ATRNL1: variants seen among roughly 807,000 people sequenced by gnomAD.
ATRNL1 encodes the protein attractin like 1, also known as attractin-like protein 1.
Under a neutral mutation model 182.7 loss-of-function variants are expected in ATRNL1, and 95 were observed. The observed-to-expected ratio is 0.52, with a 90% CI of 0.44 to 0.62. ATRNL1 has a LOEUF of 0.62. Ranked by LOEUF, ATRNL1 falls within the 20% of genes least tolerant of loss-of-function variation. ATRNL1 has a pLI of 0.00. For synonymous variants in ATRNL1, 576 were observed against 568.3 expected (o/e 1.01, Z -0.19); for missense variants, 1,471 against 1,679.5 (o/e 0.88, Z 2.17).
chr10:115,584,106 C>T (rs1436932584), intron 26 of ATRNL1, among the ~76,000 whole-genome samples: 18 of 151,184 alleles, frequency 1.2e-4, no homozygotes, highest in African/African-American at 3.2e-4. Flanking sequence ...GAAGCCCACT[C>T]GATCATGGTG....
chr10:115,477,385 A>G (rs1848583243), intron 24 of ATRNL1, among the ~76,000 whole-genome samples: 1 of 151,608 alleles, frequency 6.6e-6, no homozygotes, highest in African/African-American at 2.4e-5. Context: ...AGTCATGTGC[A>G]TTAGTTGACA....
At position 115,394,741 on chromosome 10, in the gene ATRNL1, C is replaced by T. The variant is rs782147597; in HGVS notation, c.3258C>T (p.Asp1086=). ...GCACAACTAAAGGAATAAAAGGTGA[C>T]CAATGCCAATTGTAAGTAAGAATGA... The part of the protein sequence containing the change: ...CFCTTKGIKG[D]QCQLCDSENR... The change falls in exon 20 of 29, where the codon GAC becomes GAT. Residue 1086 remains aspartate, a synonymous_variant. Transcript: ENST00000355044. 3.8e-6 allele frequency: 6 copies of T among 1,597,424 alleles called. No individual in the cohort carries two copies. Among genetic ancestry groups the T allele is most frequent in the Non-Finnish European group, 5.1e-6 (6 of 1,171,938 alleles).
chr10:115,259,241 A>C (rs1323776340), intron 10 of ATRNL1, among the ~76,000 whole-genome samples: 1 of 152,132 alleles, frequency 6.6e-6, no homozygotes, highest in East Asian at 1.9e-4. Context: ...GAGTCTAGAG[A>C]CGGTAGGCCT....
At chr10:115,481,947 G>A (rs782277798) in intron 24 of ATRNL1, among the ~76,000 whole-genome samples, 1 of 150,840 alleles carries the variant, frequency 6.6e-6, no homozygotes, top group Non-Finnish European at 1.5e-5. Flanking sequence ...TTTGGCAAAG[G>A]TATTAAAGTA....
chr10:115,871,345 T>G (rs1342743167), intron 28 of ATRNL1, among the ~76,000 whole-genome samples: 1 of 139,754 alleles, frequency 7.2e-6, no homozygotes, highest in African/African-American at 2.7e-5. Flanking sequence ...CTTTTAGGAC[T>G]TTTTTTTTTT....
At chr10:115,856,009 C>T (rs958878045) in intron 28 of ATRNL1, among the ~76,000 whole-genome samples, 5 of 152,098 alleles carry the variant, frequency 3.3e-5, no homozygotes, top group Admixed American at 1.3e-4. Context: ...CCCTTTATGA[C>T]CAGAAAAATA....
At chr10:115,385,256 T>G (rs1227096823) in intron 19 of ATRNL1, among the ~76,000 whole-genome samples, 1 of 152,130 alleles carries the variant, frequency 6.6e-6, no homozygotes, top group Non-Finnish European at 1.5e-5. Context: ...AGTATGTGTT[T>G]GATGGTATGT....
intron 19 of ATRNL1, among the ~76,000 whole-genome samples, chr10:115,350,011 G>A (rs980121517): frequency 1.4e-4 from 22 of 151,928 alleles, no homozygotes; most frequent in Admixed American, 9.8e-4. Flanking sequence ...GGTCTTACTC[G>A]AAATCTTTGC....
chr10:115,433,896 A>G (rs1221333455), intron 21 of ATRNL1, among the ~76,000 whole-genome samples: 1 of 152,100 alleles, frequency 6.6e-6, no homozygotes, highest in Non-Finnish European at 1.5e-5. Flanking sequence ...ATGTCCATAA[A>G]CCTTCCACCA....
At chr10:115,890,154 G>A (rs568455528) in intron 28 of ATRNL1, among the ~76,000 whole-genome samples, 4 of 152,220 alleles carry the variant, frequency 2.6e-5, no homozygotes, top group Non-Finnish European at 5.9e-5. Context: ...GAAAACCAGA[G>A]AAGCCCTCGT....
chr10:115,278,306 G>T (rs1393901374), intron 13 of ATRNL1, among the ~76,000 whole-genome samples: 1 of 152,134 alleles, frequency 6.6e-6, no homozygotes, highest in South Asian at 2.1e-4. Context: ...AGTTTAACTT[G>T]TTAAAAGAAA....
At chr10:115,712,990 A>T (rs1793428818) in intron 26 of ATRNL1, among the ~76,000 whole-genome samples, 2 of 152,052 alleles carry the variant, frequency 1.3e-5, no homozygotes, top group South Asian at 4.1e-4. Context: ...ATTTATCCCA[A>T]CCCTAAATTG....
chr10:115,240,393 G>A (rs963774050), intron 9 of ATRNL1, among the ~76,000 whole-genome samples: 2 of 151,406 alleles, frequency 1.3e-5, no homozygotes, highest in Admixed American at 1.3e-4. Context: ...CTGGGACTAC[G>A]GGCACGTGCC....
chr10:115,780,587 G>A (rs538845967), intron 27 of ATRNL1, among the ~76,000 whole-genome samples: 1 of 152,158 alleles, frequency 6.6e-6, no homozygotes, highest in Non-Finnish European at 1.5e-5. Context: ...AGAGTAAAGA[G>A]GACTTTGTCT....
intron 26 of ATRNL1, among the ~76,000 whole-genome samples, chr10:115,684,913 T>C (rs1218905079): frequency 6.6e-6 from 1 of 151,770 alleles, no homozygotes; most frequent in African/African-American, 2.4e-5. Flanking sequence ...AATTGATTTG[T>C]GGCTGTCATC....
chr10:115,343,678 T>G (rs1554938997), intron 19 of ATRNL1, among the ~76,000 whole-genome samples: 2 of 152,152 alleles, frequency 1.3e-5, no homozygotes, highest in African/African-American at 4.8e-5. Flanking sequence ...TGGATGGTGT[T>G]GATGCTAATA....
At chr10:115,379,382 A>G (rs1554950424) in intron 19 of ATRNL1, among the ~76,000 whole-genome samples, 5 of 152,204 alleles carry the variant, frequency 3.3e-5, no homozygotes, top group African/African-American at 1.2e-4. Context: ...ACAGTGCCAC[A>G]AGGGAATTCT....
chr10:115,340,368 C>T (rs1554937935), intron 19 of ATRNL1, among the ~76,000 whole-genome samples: 1 of 151,984 alleles, frequency 6.6e-6, no homozygotes, highest in Non-Finnish European at 1.5e-5. Context: ...GTCTAGATCT[C>T]CTGACCTTGG....
chr10:115,592,941 A>G (rs1224430742), intron 26 of ATRNL1, among the ~76,000 whole-genome samples: 10 of 152,054 alleles, frequency 6.6e-5, no homozygotes, highest in African/African-American at 2.4e-4. Flanking sequence ...CTGTCTGTCT[A>G]TCTGTCTATC....
Sources: gnomAD v4.1 joint callset for allele counts (sites outside exome capture counted in the v4.1 genomes callset) on GRCh38, gnomAD v4.1.1 for gene constraint, MANE v1.5 for transcripts, NCBI Gene and HGNC (gene_info 2026-07-23, HGNC 2026-07-21) for gene names.